ERC2: variants seen among roughly 807,000 people sequenced by gnomAD.
The protein encoded by ERC2 is ERC protein 2.
ERC2 carries 42 observed loss-of-function variants against 114.8 expected under a neutral mutation model. The observed-to-expected ratio is 0.37, with a 90% CI of 0.29 to 0.47. The LOEUF is 0.47. ERC2 is among the 20% of genes least tolerant of loss of function. The probability of loss-of-function intolerance (pLI) is 0.99; values close to 1 mark genes in which losing one functional copy is unlikely to be tolerated. For synonymous variants in ERC2, 454 were observed against 425.5 expected (o/e 1.07, Z -0.82); for missense variants, 939 against 1,150.7 (o/e 0.82, Z 2.66).
intron 11 of ERC2, 137 bp from the exon 12 acceptor site, chr3:55,986,125 C>T (rs1390583950): frequency 1.2e-6 from 1 of 807,258 alleles, no homozygotes; most frequent in African/African-American, 1.7e-5. Context: ...AGGTTTATAA[C>T]TAAACGAAGC....
intron 17 of ERC2, among the ~76,000 whole-genome samples, chr3:55,634,634 A>G (rs1242848026): frequency 6.6e-6 from 1 of 152,248 alleles, no homozygotes; most frequent in Non-Finnish European, 1.5e-5. Context: ...CCATCTTCAT[A>G]GTCATTAGAA....
chr3:55,897,450 T>C (rs539211276), intron 13 of ERC2, among the ~76,000 whole-genome samples: 1 of 152,380 alleles, frequency 6.6e-6, no homozygotes, highest in South Asian at 2.1e-4. Context: ...CCATCCATCC[T>C]GGTTTCCTGT....
Position 55,683,930 on chromosome 3 carries a change from G to C in ERC2, c.2848-71C>G, listed in dbSNP as rs948013308. On this transcript the variant is annotated intron_variant, in intron 16 of 17. Coordinates refer to ENST00000288221, the MANE Select transcript of ERC2 (RefSeq NM_015576.3). ...ACCAGAATGAAAGAAGAGAAGGTTAGTTACACCGAGATGCACTGGAAAGGC... is the reference window on the plus strand; with the variant it reads ...ACCAGAATGAAAGAAGAGAAGGTTACTTACACCGAGATGCACTGGAAAGGC... 10 of 1,539,804 alleles carry C rather than the reference G, an allele frequency of 6.5e-6. No homozygotes were observed. In the African/African-American group the frequency reaches 1.4e-4, roughly 21 times the overall value.
At chr3:56,171,098 G>C (rs2082644485) in intron 4 of ERC2, among the ~76,000 whole-genome samples, 1 of 151,978 alleles carries the variant, frequency 6.6e-6, no homozygotes, top group Non-Finnish European at 1.5e-5. Flanking sequence ...TTCTATCAAG[G>C]CACTAGATGA....
In ERC2 at chr3:56,296,430, T is replaced by C. The variant is rs776627495; in HGVS notation, c.663A>G (p.Leu221=). Residue 221 remains leucine (L), a synonymous_variant, in exon 3 of 18, where the codon CTA becomes CTG. Coordinates refer to ENST00000288221, the MANE Select transcript of ERC2 (RefSeq NM_015576.3). ...CTTGAAGGGCCTGGATTGTCAACTGTAGGTGCTGCAATGAGAAAGATGGAG... is the reference window on the plus strand; with the variant it reads ...CTTGAAGGGCCTGGATTGTCAACTGCAGGTGCTGCAATGAGAAAGATGGAG... ...MRVSHEENQH[L]QLTIQALQDE... 6 of 1,609,012 alleles carry C rather than the reference T, an allele frequency of 3.7e-6. No homozygotes were observed. The highest frequency in any genetic ancestry group is 2.2e-5 in the South Asian group (2 of 90,728).
intron 13 of ERC2, among the ~76,000 whole-genome samples, chr3:55,932,732 C>T (rs2066177249): frequency 6.6e-6 from 1 of 152,148 alleles, no homozygotes; most frequent in South Asian, 2.1e-4. Flanking sequence ...ATAGTAAAAT[C>T]TTCCAAAAGT....
intron 13 of ERC2, among the ~76,000 whole-genome samples, chr3:55,942,501 T>G (rs1262172571): frequency 4.7e-5 from 7 of 150,422 alleles, no homozygotes; most frequent in African/African-American, 1.5e-4. Context: ...GTTTCACCGT[T>G]TTAGCCGGGA....
chr3:55,916,213 C>G (rs576524614), intron 13 of ERC2, among the ~76,000 whole-genome samples: 1 of 152,216 alleles, frequency 6.6e-6, no homozygotes, highest in East Asian at 1.9e-4. Flanking sequence ...TCACAAAGCA[C>G]CCAATTTATT....
At chr3:56,356,180 C>G (rs1576573381) in intron 2 of ERC2, among the ~76,000 whole-genome samples, 1 of 152,180 alleles carries the variant, frequency 6.6e-6, no homozygotes, top group Non-Finnish European at 1.5e-5. Context: ...CAGTGGAGAA[C>G]ACCAAAGTCA....
chr3:56,070,286 T>A (rs1487234241), intron 7 of ERC2, among the ~76,000 whole-genome samples: 1 of 152,112 alleles, frequency 6.6e-6, no homozygotes, highest in Non-Finnish European at 1.5e-5. Flanking sequence ...GACTGAAATA[T>A]GTAAAGGCTC....
At chr3:55,585,679 A>G (rs2057561895) in intron 17 of ERC2, among the ~76,000 whole-genome samples, 1 of 152,178 alleles carries the variant, frequency 6.6e-6, no homozygotes, top group Non-Finnish European at 1.5e-5. Flanking sequence ...AAATCATGTA[A>G]TTGTTATTCC....
intron 7 of ERC2, among the ~76,000 whole-genome samples, chr3:56,051,671 CA>C (rs1342299145): frequency 6.6e-6 from 1 of 151,996 alleles, no homozygotes; most frequent in African/African-American, 2.4e-5. Flanking sequence ...ACTTAAAATA[CA>C]AAAATTAGCC....
intron 12 of ERC2, among the ~76,000 whole-genome samples, chr3:55,967,825 T>C (rs1434048853): frequency 1.3e-5 from 2 of 152,190 alleles, no homozygotes; most frequent in Non-Finnish European, 2.9e-5. Flanking sequence ...CAGCCCTCTC[T>C]CACCGTTTCT....
chr3:56,430,261 T>C (rs962794156), intron 2 of ERC2, among the ~76,000 whole-genome samples: 3 of 152,240 alleles, frequency 2.0e-5, no homozygotes, highest in Admixed American at 2.0e-4. Context: ...CTTTTGTATT[T>C]CTTTCTTCCA....
chr3:55,574,928 T>C (rs1321105126), intron 17 of ERC2, among the ~76,000 whole-genome samples: 1 of 152,332 alleles, frequency 6.6e-6, no homozygotes, highest in East Asian at 1.9e-4. Context: ...CGCTCATCCA[T>C]GGTGGAGAAA....
intron 17 of ERC2, among the ~76,000 whole-genome samples, chr3:55,643,200 AATC>A (rs1261154149): frequency 6.6e-6 from 1 of 152,200 alleles, no homozygotes; most frequent in Non-Finnish European, 1.5e-5. Flanking sequence ...TGGGATTGGC[AATC>A]ATCATAGATT....
At chr3:55,546,067 A>G (rs902803814) in intron 17 of ERC2, among the ~76,000 whole-genome samples, 3 of 152,214 alleles carry the variant, frequency 2.0e-5, no homozygotes, top group Non-Finnish European at 4.4e-5. Flanking sequence ...ATCCTGACCT[A>G]TGCAGTATGG....
At chr3:55,731,972 A>G (rs1400520815) in intron 15 of ERC2, among the ~76,000 whole-genome samples, 1 of 152,162 alleles carries the variant, frequency 6.6e-6, no homozygotes, top group Non-Finnish European at 1.5e-5. Context: ...ATTTCTGGGA[A>G]TACCATTCTG....
At chr3:55,636,705 C>A (rs955585407) in intron 17 of ERC2, among the ~76,000 whole-genome samples, 4 of 152,142 alleles carry the variant, frequency 2.6e-5, no homozygotes, top group Non-Finnish European at 4.4e-5. Context: ...GACATGAAAC[C>A]AGCCACAGAA....
Sources: gnomAD v4.1 joint callset for allele counts (sites outside exome capture counted in the v4.1 genomes callset) on GRCh38, gnomAD v4.1.1 for gene constraint, MANE v1.5 for transcripts, NCBI Gene and HGNC (gene_info 2026-07-23, HGNC 2026-07-21) for gene names.